The following ALKBH6 variants were observed in gnomAD, a reference collection of about 807,000 sequenced individuals.
The protein encoded by ALKBH6 is alkB homolog 6, nucleotide demethylase, also known as probable RNA/DNA demethylase ALKBH6.
A neutral mutation model predicts 25.1 loss-of-function variants in ALKBH6; 20 were observed. That is an observed-to-expected ratio of 0.80 (90% CI 0.56 to 1.16). The LOEUF (loss-of-function observed/expected upper bound fraction) is 1.16, where lower values mean the gene tolerates loss of function less well. Ranked by LOEUF, ALKBH6 falls within the 50% of genes most tolerant of loss-of-function variation. The probability of loss-of-function intolerance (pLI) is 0.00; values close to 1 mark genes in which losing one functional copy is unlikely to be tolerated. For synonymous variants in ALKBH6, 156 were observed against 147.5 expected (o/e 1.06, Z -0.42); for missense variants, 263 against 326.5 (o/e 0.81, Z 1.50).
At chr19:36,009,601 G>T in intron 6 of ALKBH6, 48 bp from the exon 7 acceptor site, 11 of 1,148,826 alleles carry the variant, frequency 9.6e-6, no homozygotes, top group South Asian at 4.3e-5. Context: ...TCGGGGGGTG[G>T]GGGTGGGCGA....
chr19:36,009,539 G>T lies in ALKBH6; in HGVS notation c.468C>A (p.Pro156=). The T allele has an allele frequency of 8.0e-7, 1 of 1,257,590 alleles. No individual in the cohort carries two copies. The highest frequency in any genetic ancestry group is 3.0e-5 in the East Asian group (1 of 33,246). The allele number at this position is 1,257,590 out of a possible 1,614,324, so 77.9% of individuals were successfully genotyped here. A position where few individuals can be genotyped will look rare whatever the true frequency, so the allele number is the denominator to read the frequency against. Residue 156 remains proline (P), a synonymous_variant, in exon 7 of 7, where the codon CCC becomes CCA. Transcript: ENST00000378875. ...CCAGCAGTAGCGAGGTGGTGGGCCG[G>T]GGCGGAGGCCGAGGCTGCAGGGCGG... ...DDPTEQPRPP[P]RPTTSLLLEP... is the part of the protein sequence containing the mutation.
rs1328438259 is a variant in ALKBH6, at chr19:36,013,107, C to A, written c.55-18G>T. On this transcript the variant is annotated intron_variant, in intron 2 of 6. Transcript: ENST00000378875. This position sits in a 1 kb window ranked among gnomAD's most constrained non-coding sequence, Gnocchi z 4.6. ...GGTGGTGCCTAGGATAGAAAGACCC[C>A]CTGAAGGTGTGGCCCTTCAACCCAC... 1 of 1,610,938 alleles carries A rather than the reference C, an allele frequency of 6.2e-7. No homozygotes were observed. Among genetic ancestry groups the A allele is most frequent in the South Asian group, 1.1e-5 (1 of 91,004 alleles).
At position 36,011,413 on chromosome 19, in the gene ALKBH6, G is replaced by A. The variant is rs1968609064; in HGVS notation, c.175C>T (p.Gln59Ter). The change falls in exon 4 of 7, where the codon CAG (glutamine) becomes TAG (stop). Residue 59 changes from glutamine to a stop codon, truncating the protein, a stop_gained. Coordinates refer to ENST00000378875, the MANE Select transcript of ALKBH6 (RefSeq NM_032878.5). LOFTEE classifies it high-confidence loss of function. ...KWTQLSGRKL[Q>*]NWGGLPHPRG... is the part of the protein sequence containing the mutation. ...AGCCAGGGATACTTACCCCAGTTCT[G>A]TAACTTTCTCCCAGAGAGCTGGGTC... 6.2e-7 allele frequency: 1 copy of A among 1,613,076 alleles called. No individual in the cohort carries two copies. The highest frequency in any genetic ancestry group is 8.5e-7 in the Non-Finnish European group (1 of 1,179,936).
At chr19:36,011,341 C>T (rs1968606762) in intron 4 of ALKBH6, 63 bp downstream of exon 4, 2 of 1,567,514 alleles carry the variant, frequency 1.3e-6, no homozygotes, top group East Asian at 2.3e-5. Flanking sequence ...GTCTATTGGA[C>T]CTGAGTCCCC....
chr19:36,011,481 G>A lies in ALKBH6; in HGVS notation c.124-17C>T, dbSNP rs1232625020. ...ATTAAAAACCTAAGAGGTGGGAAGG[G>A]GGTCACTCCTTTCTCAGGATCACCC... is the stretch of plus-strand genomic sequence containing the variant. On this transcript the variant is annotated splice_polypyrimidine_tract_variant and intron_variant, in intron 3 of 6. Coordinates refer to ENST00000378875, the MANE Select transcript of ALKBH6 (RefSeq NM_032878.5). 1.2e-6 allele frequency: 2 copies of A among 1,613,500 alleles called. No individual in the cohort carries two copies. The highest frequency in any genetic ancestry group is 1.1e-5 in the South Asian group (1 of 91,000).
Position 36,010,746 on chromosome 19 carries a change from A to AG in ALKBH6, c.337-64dup. ...CCACAACCCCCACCCTCTGGGTCAA[A>AG]GGGGGGCTTCCCAAGCCAGGGACAG... On this transcript the variant is annotated intron_variant, in intron 5 of 6. Transcript: ENST00000378875. The surrounding 1 kb of genome is among the most constrained non-coding windows in gnomAD (Gnocchi z 5.5). 6.3e-6 allele frequency: 10 copies of AG among 1,578,782 alleles called. No individual in the cohort carries two copies. In the East Asian group the frequency reaches 1.6e-4, roughly 25 times the overall value.
In ALKBH6 at chr19:36,013,647, C is replaced by G. The variant is rs1027601686; in HGVS notation, c.-25-225G>C. On this transcript the variant is annotated intron_variant, in intron 1 of 6. Coordinates refer to ENST00000378875, the MANE Select transcript of ALKBH6 (RefSeq NM_032878.5). The surrounding 1 kb of genome is among the most constrained non-coding windows in gnomAD (Gnocchi z 4.6). ...GAATAATCCCCCATTACTCTGTCCA[C>G]TAAGGGCCCATCCAACTACACATAT... 1.4e-5 allele frequency: 20 copies of G among 1,385,264 alleles called. No individual in the cohort carries two copies. The highest frequency in any genetic ancestry group is 1.6e-5 in the Non-Finnish European group (17 of 1,068,488). 85.8% of individuals were successfully genotyped at this position (1,385,264 alleles called of 1,614,324 possible). A position where few individuals can be genotyped will look rare whatever the true frequency, so the allele number is the denominator to read the frequency against.
At position 36,010,692 on chromosome 19, in the gene ALKBH6, T is replaced by G. The variant is rs2145369952; in HGVS notation, c.337-9A>C. The G allele has an allele frequency of 6.2e-7, 1 of 1,611,942 alleles. No homozygotes were observed. Among genetic ancestry groups the G allele is most frequent in the South Asian group, 1.1e-5 (1 of 91,018 alleles). On this transcript the variant is annotated splice_polypyrimidine_tract_variant and intron_variant, in intron 5 of 6. Coordinates refer to ENST00000378875, the MANE Select transcript of ALKBH6 (RefSeq NM_032878.5). The surrounding 1 kb of genome is among the most constrained non-coding windows in gnomAD (Gnocchi z 5.5). ...GGTCCGTCCTCGTGGGGCTAGGGAG[T>G]GGGCACCAGGGCTGGGCAGGGCAGG... is the stretch of plus-strand genomic sequence containing the variant.
At position 36,013,132 on chromosome 19, in the gene ALKBH6, C is replaced by T; in HGVS notation, c.55-43G>A. Reference sequence around the variant, plus strand: ...CCTGAAGGTGTGGCCCTTCAACCCACACAGAGGACATATCATCACAGAGCA... The same window carrying T: ...CCTGAAGGTGTGGCCCTTCAACCCATACAGAGGACATATCATCACAGAGCA... On this transcript the variant is annotated intron_variant, in intron 2 of 6. Coordinates refer to ENST00000378875, the MANE Select transcript of ALKBH6 (RefSeq NM_032878.5). The surrounding 1 kb of genome is among the most constrained non-coding windows in gnomAD (Gnocchi z 4.6). 1 of 1,574,734 alleles carries T rather than the reference C, an allele frequency of 6.4e-7. No individual in the cohort carries two copies. The highest frequency in any genetic ancestry group is 1.1e-5 in the South Asian group (1 of 90,182).
Position 36,011,051 on chromosome 19 carries a change from G to T in ALKBH6, c.185-6C>A. ...TCGGGGATGAGGAAGCCCACCTGGG[G>T]AAGGCAATGGGGTCCTGAGGGCCCC... is the stretch of plus-strand genomic sequence containing the variant. On this transcript the variant is annotated splice_polypyrimidine_tract_variant and splice_region_variant and intron_variant, in intron 4 of 6. Transcript: ENST00000378875. 6.3e-7 allele frequency: 1 copy of T among 1,597,378 alleles called. No homozygotes were observed. The highest frequency in any genetic ancestry group is 8.5e-7 in the Non-Finnish European group (1 of 1,171,500).
In ALKBH6 at chr19:36,011,009, C is replaced by T. The variant is rs574868640; in HGVS notation, c.221G>A (p.Arg74Gln). The change falls in exon 5 of 7, where the codon CGG becomes CAG. Residue 74 changes from arginine (R) to glutamine (Q), a missense_variant. By Grantham distance (43) the Arg-to-Gln change is conservative. Around this residue, in one of 3 missense-constraint regions of ALKBH6, gnomAD observed 112 missense variants for 153.0 expected, o/e 0.73. Coordinates refer to ENST00000378875, the MANE Select transcript of ALKBH6 (RefSeq NM_032878.5). The stretch of plus-strand genomic sequence containing the variant: ...GTAGCGCTGGAGCCATGGGGGCAGC[C>T]GCTCAGGAACCATCCCTCGGGGATG... ...LPHPRGMVPE[R>Q]LPPWLQRYVD... 3.7e-6 allele frequency: 6 copies of T among 1,612,854 alleles called. No homozygotes were observed. The East Asian group carries it at 6.7e-5, about 18-fold the overall frequency.
chr19:36,010,862 T>G lies in ALKBH6; in HGVS notation c.336+32A>C. ...CCCCAGCACAGCTCAGAAGTCTGAGTGGGGGGACACGGGCCGAGGGTGTGT... is the reference window on the plus strand; with the variant it reads ...CCCCAGCACAGCTCAGAAGTCTGAGGGGGGGGACACGGGCCGAGGGTGTGT... On this transcript the variant is annotated intron_variant, in intron 5 of 6. Transcript: ENST00000378875. The surrounding 1 kb of genome is among the most constrained non-coding windows in gnomAD (Gnocchi z 5.5). 6.2e-7 allele frequency: 1 copy of G among 1,612,126 alleles called. No individual in the cohort carries two copies. The highest frequency in any genetic ancestry group is 8.5e-7 in the Non-Finnish European group (1 of 1,178,962).
Position 36,013,935 on chromosome 19 carries a change from T to A in ALKBH6, c.-26+240A>T. On this transcript the variant is annotated intron_variant, in intron 1 of 6. Transcript: ENST00000378875. This position sits in a 1 kb window ranked among gnomAD's most constrained non-coding sequence, Gnocchi z 4.6. ...CCCTCAGCCTCCTCGGATCCCCCCA[T>A]TTGGACGCCCCTCGGATTTCCCCTC... 3.1e-6 allele frequency: 4 copies of A among 1,301,190 alleles called. No individual in the cohort carries two copies. Among genetic ancestry groups the A allele is most frequent in the Non-Finnish European group, 2.0e-6 (2 of 1,023,714 alleles). 80.6% of individuals were successfully genotyped at this position (1,301,190 alleles called of 1,614,324 possible).
chr19:36,013,734 A>G lies in ALKBH6; in HGVS notation c.-25-312T>C. On this transcript the variant is annotated intron_variant, in intron 1 of 6. Coordinates refer to ENST00000378875, the MANE Select transcript of ALKBH6 (RefSeq NM_032878.5). This position sits in a 1 kb window ranked among gnomAD's most constrained non-coding sequence, Gnocchi z 4.6. ...CCCACACACAGGGAGCCTTTCTCAA[A>G]AGCTCTACACATAGCCCCCAGGGCT... The G allele has an allele frequency of 8.2e-7, 1 of 1,213,450 alleles. No individual in the cohort carries two copies. Among genetic ancestry groups the G allele is most frequent in the Admixed American group, 4.3e-5 (1 of 23,044 alleles). 75.2% of individuals were successfully genotyped at this position (1,213,450 alleles called of 1,614,324 possible).
Position 36,010,345 on chromosome 19 carries a change from G to A in ALKBH6, c.453+222C>T. 3.5e-6 allele frequency: 2 copies of A among 578,706 alleles called. No individual in the cohort carries two copies. The highest frequency in any genetic ancestry group is 5.8e-5 in the East Asian group (2 of 34,514). The allele number at this position is 578,706 out of a possible 1,614,324, so 35.8% of individuals were successfully genotyped here. ...TCAGGGGTATCCATTCAGCAGGTTG[G>A]GGCATCGGGGAGCCTGTGAAAATCA... On this transcript the variant is annotated intron_variant, in intron 6 of 6. Transcript: ENST00000378875. This position sits in a 1 kb window ranked among gnomAD's most constrained non-coding sequence, Gnocchi z 5.5.
intron 3 of ALKBH6, 134 bp from the exon 4 acceptor site, chr19:36,011,598 G>A (rs374028420): frequency 1.0e-5 from 10 of 965,596 alleles, no homozygotes; most frequent in East Asian, 2.6e-5. Flanking sequence ...TCCCTGGGGC[G>A]GTGGGTTCCT....
Position 36,011,003 on chromosome 19 carries a change from G to T in ALKBH6, c.227C>A (p.Pro76His). ...HPRGMVPERL[P>H]PWLQRYVDKV... ...GTCCACGTAGCGCTGGAGCCATGGG[G>T]GCAGCCGCTCAGGAACCATCCCTCG... is the stretch of plus-strand genomic sequence containing the variant. The change falls in exon 5 of 7, where the codon CCC becomes CAC. Residue 76 changes from proline to histidine, a missense_variant. This residue lies in a region of ALKBH6 where 112 missense variants were observed against 153.0 expected (regional missense o/e 0.73). Coordinates refer to ENST00000378875, the MANE Select transcript of ALKBH6 (RefSeq NM_032878.5). 1 of 1,613,366 alleles carries T rather than the reference G, an allele frequency of 6.2e-7. No homozygotes were observed.
In ALKBH6 at chr19:36,013,845, C is replaced by A; in HGVS notation, c.-26+330G>T. 2.3e-6 allele frequency: 3 copies of A among 1,303,212 alleles called. No homozygotes were observed. The highest frequency in any genetic ancestry group is 9.7e-7 in the Non-Finnish European group (1 of 1,027,360). 80.7% of individuals were successfully genotyped at this position (1,303,212 alleles called of 1,614,324 possible). A position where few individuals can be genotyped will look rare whatever the true frequency, so the allele number is the denominator to read the frequency against. On this transcript the variant is annotated intron_variant, in intron 1 of 6. Transcript: ENST00000378875. The surrounding 1 kb of genome is among the most constrained non-coding windows in gnomAD (Gnocchi z 4.6). ...GGCTATCAACACTCAGCGACCCCCG[C>A]CCCCCACCGAATCCCATTCTGTGCA...
At chr19:36,009,640 G>A (rs540855602) in intron 6 of ALKBH6, 87 bp from the exon 7 acceptor site, 25 of 964,002 alleles carry the variant, frequency 2.6e-5, no homozygotes, top group Non-Finnish European at 3.2e-5. Context: ...GGATCAGCTA[G>A]TCCCCAGGGG....
Sources: allele counts gnomAD v4.1 joint callset, GRCh38; gene constraint gnomAD v4.1.1; regional missense constraint gnomAD v4.1.1; non-coding constraint Gnocchi (gnomAD v3.1); transcripts MANE v1.5; gene names NCBI Gene and HGNC (gene_info 2026-07-23, HGNC 2026-07-21).